ROBO2: variants seen among roughly 807,000 people sequenced by gnomAD.
ROBO2 encodes roundabout guidance receptor 2.
In ROBO2, 53 loss-of-function variants were observed where a neutral mutation model predicts 160.8. The observed-to-expected ratio is 0.33, with a 90% CI of 0.26 to 0.41. ROBO2 has a LOEUF of 0.41. Among genes scored for constraint, ROBO2 ranks in the 10% least tolerant of loss-of-function variants. The pLI is 1.00. For missense variants in ROBO2, 1,577 were observed against 1,722.4 expected (o/e 0.92, Z 1.49); for synonymous variants, 664 against 611.7 (o/e 1.09, Z -1.26).
chr3:77,391,989 C>A (rs951992670), intron 2 of ROBO2, among the ~76,000 whole-genome samples: 8 of 152,204 alleles, frequency 5.3e-5, no homozygotes, highest in African/African-American at 1.9e-4. Flanking sequence ...TTTAGCCAGG[C>A]CATGCATAAC....
chr3:76,727,497 C>T (rs1266024025), intron 2 of ROBO2, among the ~76,000 whole-genome samples: 2 of 151,964 alleles, frequency 1.3e-5, no homozygotes, highest in Non-Finnish European at 2.9e-5. Context: ...ATGTATTAGA[C>T]TCTAATGTAC....
chr3:77,626,328 A>T (rs9857326), intron 23 of ROBO2, among the ~76,000 whole-genome samples: 110,756 of 152,056 alleles, frequency 0.73, 40,513 homozygotes, highest in East Asian at 0.84. Context: ...TGTTTATTTA[A>T]AGTGACCCAT....
At chr3:77,121,967 A>G (rs2074821572) in intron 2 of ROBO2, among the ~76,000 whole-genome samples, 1 of 152,146 alleles carries the variant, frequency 6.6e-6, no homozygotes, top group Non-Finnish European at 1.5e-5. Flanking sequence ...ATTTTTTTAA[A>G]AAAATTGCCC....
At chr3:75,993,041 A>G (rs541413453) in intron 2 of ROBO2, among the ~76,000 whole-genome samples, 7 of 152,292 alleles carry the variant, frequency 4.6e-5, no homozygotes, top group African/African-American at 1.7e-4. Flanking sequence ...CATAGGAAAA[A>G]GTGACCTGCC....
intron 2 of ROBO2, among the ~76,000 whole-genome samples, chr3:76,265,231 G>A (rs866050193): frequency 6.6e-6 from 1 of 152,002 alleles, no homozygotes; most frequent in Non-Finnish European, 1.5e-5. Context: ...TTCTGCCTGC[G>A]AAAGACTATA....
chr3:76,919,572 TC>T (rs1177138313), intron 2 of ROBO2, among the ~76,000 whole-genome samples: 1 of 152,192 alleles, frequency 6.6e-6, no homozygotes, highest in East Asian at 1.9e-4. Context: ...AATCATGACT[TC>T]ATGATCGGTA....
upstream of ROBO2, among the ~76,000 whole-genome samples, chr3:77,035,130 T>G (rs2063550861): frequency 6.6e-6 from 1 of 151,886 alleles, no homozygotes; most frequent in Non-Finnish European, 1.5e-5. Flanking sequence ...ATTAGCCTAG[T>G]ATAGATGAGA....
chr3:75,914,897 T>C (rs1444539188), intron 1 of ROBO2, among the ~76,000 whole-genome samples: 1 of 152,202 alleles, frequency 6.6e-6, no homozygotes, highest in African/African-American at 2.4e-5. Context: ...AAGGATGGTA[T>C]GATAGGCTGC....
intron 2 of ROBO2, among the ~76,000 whole-genome samples, chr3:77,310,056 G>A (rs2063411586): frequency 6.6e-6 from 1 of 152,082 alleles, no homozygotes; most frequent in Non-Finnish European, 1.5e-5. Flanking sequence ...GTCTAACATG[G>A]CCATGCAGAT....
At chr3:76,600,340 C>T (rs1424989716) in intron 2 of ROBO2, among the ~76,000 whole-genome samples, 1 of 152,108 alleles carries the variant, frequency 6.6e-6, no homozygotes, top group East Asian at 1.9e-4. Flanking sequence ...TTTAAACCTT[C>T]TACATTAATG....
intron 2 of ROBO2, among the ~76,000 whole-genome samples, chr3:77,112,442 C>G: frequency 6.6e-6 from 1 of 151,866 alleles, no homozygotes. Context: ...CGGGGTTTCA[C>G]CAGGTTAGCC....
At chr3:77,625,934 T>C (rs2095013643) in intron 23 of ROBO2, among the ~76,000 whole-genome samples, 1 of 152,160 alleles carries the variant, frequency 6.6e-6, no homozygotes, top group Admixed American at 6.5e-5. Context: ...ATTAATAGTA[T>C]TATTTTCATT....
At chr3:76,382,413 C>T (rs2076676798) in intron 2 of ROBO2, among the ~76,000 whole-genome samples, 1 of 152,142 alleles carries the variant, frequency 6.6e-6, no homozygotes, top group Non-Finnish European at 1.5e-5. Flanking sequence ...ACGGTGGAAC[C>T]CCGTCTCTAC....
At chr3:77,468,471 T>C (rs1181741526) in intron 2 of ROBO2, among the ~76,000 whole-genome samples, 1 of 152,188 alleles carries the variant, frequency 6.6e-6, no homozygotes. Flanking sequence ...GATGTTTCCA[T>C]GCAATTTCTA....
chr3:76,599,217 C>T (rs979267837), intron 2 of ROBO2, among the ~76,000 whole-genome samples: 2 of 152,084 alleles, frequency 1.3e-5, no homozygotes, highest in Admixed American at 1.3e-4. Flanking sequence ...TGATTCTCTC[C>T]CTCTTCCTAC....
chr3:77,227,532 C>G (rs914580714), intron 2 of ROBO2, among the ~76,000 whole-genome samples: 2 of 152,148 alleles, frequency 1.3e-5, no homozygotes, highest in African/African-American at 2.4e-5. Flanking sequence ...TGAAGAAACA[C>G]CCAGCACAGC....
At chr3:77,403,534 C>A (rs1301748696) in intron 2 of ROBO2, among the ~76,000 whole-genome samples, 1 of 150,696 alleles carries the variant, frequency 6.6e-6, no homozygotes, top group African/African-American at 2.4e-5. Flanking sequence ...CCATGAATGA[C>A]AGGATGCCCT....
At chr3:76,215,375 G>A (rs1435885003) in intron 2 of ROBO2, among the ~76,000 whole-genome samples, 2 of 152,134 alleles carry the variant, frequency 1.3e-5, no homozygotes, top group Admixed American at 6.5e-5. Context: ...TCTAAAGGAG[G>A]AAGTTCGAAC....
At chr3:76,392,920 A>C (rs181719790) in intron 2 of ROBO2, among the ~76,000 whole-genome samples, 55 of 152,286 alleles carry the variant, frequency 3.6e-4, no homozygotes, top group African/African-American at 1.3e-3. Context: ...TGTCTAGAAT[A>C]ATTACACTTT....
Sources: allele counts gnomAD v4.1 joint callset (sites outside exome capture counted in the v4.1 genomes callset), GRCh38; gene constraint gnomAD v4.1.1; transcripts MANE v1.5; gene names NCBI Gene and HGNC (gene_info 2026-07-23, HGNC 2026-07-21).